MBP: variants seen among roughly 807,000 people sequenced by gnomAD.
MBP encodes myelin basic protein.
In MBP, 16 loss-of-function variants were observed where a neutral mutation model predicts 35.8. The ratio of observed to expected loss-of-function variants is 0.45; its 90% CI spans 0.30 to 0.68. The LOEUF (loss-of-function observed/expected upper bound fraction) is 0.68. MBP is among the 30% of genes least tolerant of loss of function. The pLI, the probability that MBP is intolerant of heterozygous loss-of-function variation, is 0.08. For missense variants in MBP, 380 were observed against 404.7 expected, an observed-to-expected ratio of 0.94 and a Z score of 0.52; for synonymous variants, 143 against 159.6, an observed-to-expected ratio of 0.90 and a Z score of 0.78.
chr18:77,125,752 T>C (rs965524223), intron 1 of MBP, among the ~76,000 whole-genome samples: 24 of 152,130 alleles, frequency 1.6e-4, no homozygotes, highest in Admixed American at 5.9e-4. Flanking sequence ...TCCTTTTTTT[T>C]TGTATCAAAA....
intron 2 of MBP, among the ~76,000 whole-genome samples, chr18:77,070,926 G>A (rs904049212): frequency 1.3e-5 from 2 of 152,234 alleles, no homozygotes; most frequent in Non-Finnish European, 2.9e-5. Flanking sequence ...CGCGTAGCTG[G>A]AGTGTCCAGC....
intron 1 of MBP, among the ~76,000 whole-genome samples, chr18:77,106,896 G>A (rs1200175690): frequency 1.3e-5 from 2 of 152,162 alleles, no homozygotes; most frequent in Non-Finnish European, 2.9e-5. Flanking sequence ...CTTCTCATTG[G>A]GAAATGAGGG....
chr18:77,107,100 T>A (rs1976302852), intron 1 of MBP, among the ~76,000 whole-genome samples: 1 of 152,190 alleles, frequency 6.6e-6, no homozygotes, highest in Non-Finnish European at 1.5e-5. Context: ...TTTAACTAAA[T>A]ATTAAGAGCT....
intron 4 of MBP, chr18:77,016,236 A>G (rs149804561): frequency 1.0e-6 from 1 of 985,300 alleles, no homozygotes; most frequent in African/African-American, 1.7e-5. Flanking sequence ...AATTAATGGA[A>G]TCACAAGATA....
At chr18:77,009,368 C>T (rs1015302918) in intron 4 of MBP, among the ~76,000 whole-genome samples, 6 of 152,246 alleles carry the variant, frequency 3.9e-5, no homozygotes, top group Admixed American at 1.3e-4. Context: ...AGAGACCAGA[C>T]GTCCCAAGGA....
intron 4 of MBP, chr18:77,002,930 T>C (rs1970715294): frequency 6.6e-6 from 1 of 152,234 alleles, no homozygotes; most frequent in African/African-American, 2.4e-5. Flanking sequence ...GAACTAACAG[T>C]GTGCTCACAG....
intron 3 of MBP, chr18:77,065,922 A>G (rs1226770810): frequency 1.0e-5 from 2 of 192,952 alleles, no homozygotes; most frequent in East Asian, 1.3e-4. Flanking sequence ...CAGTGGAGCA[A>G]TCATAGCTCA....
rs960315146 is a variant in MBP at position 77,018,107 on chromosome 18, C to T, written c.140-839G>A. Among the ~76,000 whole-genome samples, 15 of 152,180 alleles carry T rather than the reference C, an allele frequency of 9.9e-5. 2 individuals are homozygous for T. The highest frequency in any genetic ancestry group is 6.2e-4 in the South Asian group (3 of 4,824). On this transcript the variant is annotated intron_variant, in intron 3 of 8. Transcript: ENST00000355994. The stretch of plus-strand genomic sequence containing the variant: ...TGTAATACCAGTCATCCATCTATCT[C>T]TCTATCCATTCATCCATCCATCCAC...
chr18:77,088,819 C>T (rs1332347777), intron 2 of MBP, among the ~76,000 whole-genome samples: 1 of 152,228 alleles, frequency 6.6e-6, no homozygotes, highest in African/African-American at 2.4e-5. Flanking sequence ...AGTCCTAGCC[C>T]CTAGCGCCTT....
At chr18:77,100,037 CAT>C (rs1415192788) in intron 2 of MBP, among the ~76,000 whole-genome samples, 2 of 152,072 alleles carry the variant, frequency 1.3e-5, no homozygotes, top group South Asian at 2.1e-4. Context: ...TCAAGTAACA[CAT>C]GTGATAAGCT....
chr18:77,117,795 GGTGGGACGGGGGTCAGTGGGTTGGA>G (rs1568348048), intron 1 of MBP, among the ~76,000 whole-genome samples: 2 of 80,142 alleles, frequency 2.5e-5, no homozygotes, highest in African/African-American at 4.4e-5. Flanking sequence ...AGTGGGTTGG[GGTGGGACGGGGGTCAGTGGGTTGGA>G]GTGGGATGGG....
At chr18:77,054,668 A>T (rs773376879) in intron 3 of MBP, among the ~76,000 whole-genome samples, 10 of 152,236 alleles carry the variant, frequency 6.6e-5, no homozygotes, top group Non-Finnish European at 1.3e-4. Flanking sequence ...CTCAGCAAAG[A>T]CATAGAAATA....
chr18:76,990,676 G>C (rs1304049595), intron 4 of MBP, among the ~76,000 whole-genome samples: 1 of 152,162 alleles, frequency 6.6e-6, no homozygotes, highest in African/African-American at 2.4e-5. Flanking sequence ...GAGTGTCTTT[G>C]TCACCTTTTA....
intron 4 of MBP, chr18:77,013,456 G>C: frequency 1.0e-6 from 1 of 985,302 alleles, no homozygotes; most frequent in South Asian, 4.7e-5. Context: ...GAGGAATTAG[G>C]TTACTGTAGA....
chr18:76,999,597 G>T (rs975036887), intron 4 of MBP, among the ~76,000 whole-genome samples: 2 of 151,968 alleles, frequency 1.3e-5, no homozygotes, highest in Non-Finnish European at 2.9e-5. Context: ...GGGATTACAG[G>T]CATGCACCAC....
chr18:76,997,734 G>T (rs12956404), intron 4 of MBP, among the ~76,000 whole-genome samples: 1 of 150,958 alleles, frequency 6.6e-6, no homozygotes, highest in Non-Finnish European at 1.5e-5. Flanking sequence ...CCAGGCTGGA[G>T]TGCAGTGGCG....
chr18:77,084,441 AC>A (rs1975136358), intron 2 of MBP, among the ~76,000 whole-genome samples: 1 of 146,020 alleles, frequency 6.8e-6, no homozygotes, highest in Admixed American at 6.8e-5. Context: ...CCACACACAC[AC>A]ACACACACAC....
intron 3 of MBP, among the ~76,000 whole-genome samples, chr18:77,061,817 A>G (rs148987775): frequency 6.6e-6 from 1 of 152,364 alleles, no homozygotes; most frequent in East Asian, 1.9e-4. Flanking sequence ...ATATGTACTT[A>G]AATGTTTCTG....
At chr18:77,034,072 AAAAG>A (rs1309942928) in intron 3 of MBP, among the ~76,000 whole-genome samples, 3 of 150,748 alleles carry the variant, frequency 2.0e-5, no homozygotes, top group African/African-American at 7.3e-5. Flanking sequence ...AAAAAAAAAA[AAAAG>A]ATTACCTGGG....
Sources: allele counts gnomAD v4.1 joint callset (sites outside exome capture counted in the v4.1 genomes callset), GRCh38; gene constraint gnomAD v4.1.1; transcripts MANE v1.5; gene names NCBI Gene and HGNC (gene_info 2026-07-23, HGNC 2026-07-21).